Variants in MARCHF1 observed in about 807,000 individuals in gnomAD.
MARCHF1 encodes E3 ubiquitin-protein ligase MARCHF1.
MARCHF1 carries 40 observed loss-of-function variants against 54.2 expected under a neutral mutation model. The observed-to-expected ratio is 0.74, with a 90% CI of 0.57 to 0.96. The LOEUF (loss-of-function observed/expected upper bound fraction) is 0.96. MARCHF1 is among the 40% of genes least tolerant of loss of function. MARCHF1 has a pLI of 0.00. For missense variants in MARCHF1, 586 were observed against 656.5 expected (o/e 0.89, Z 1.17); for synonymous variants, 236 against 236.3 (o/e 1.00, Z 0.01).
In MARCHF1 at chr4:163,932,492, A is replaced by G. The variant is rs115867045; in HGVS notation, c.-39+56009T>C. 524 of 364,980 alleles carry G rather than the reference A, an allele frequency of 1.4e-3. 4 individuals are homozygous for G. The highest frequency in any genetic ancestry group is 1.0e-2 in the African/African-American group (472 of 47,382). The allele number at this position is 364,980 out of a possible 1,614,324, so 22.6% of individuals were successfully genotyped here. ...AGCATGTTCACCAGGAGCAAATTCC[A>G]TCTCAACAAACTACTTTCACCCTGA... is the stretch of plus-strand genomic sequence containing the variant. On this transcript the variant is annotated intron_variant, in intron 3 of 9. Transcript: ENST00000514618.
chr4:163,811,425 C>A (rs1388746288), intron 4 of MARCHF1, among the ~76,000 whole-genome samples: 2 of 151,956 alleles, frequency 1.3e-5, no homozygotes, highest in African/African-American at 2.4e-5. Flanking sequence ...GTCCCAGCTA[C>A]TTGGCAGGCT....
At chr4:163,826,461 T>C (rs1748849643) in intron 4 of MARCHF1, among the ~76,000 whole-genome samples, 2 of 152,110 alleles carry the variant, frequency 1.3e-5, no homozygotes. Context: ...TTCATAGTTA[T>C]GAACATAAAT....
intron 2 of MARCHF1, among the ~76,000 whole-genome samples, chr4:164,097,526 A>C (rs759570873): frequency 1.3e-5 from 2 of 152,304 alleles, no homozygotes; most frequent in South Asian, 2.1e-4. Context: ...GATCTTGTTA[A>C]GTTTACCTGT....
At chr4:164,357,509 A>G (rs1016939034) in intron 1 of MARCHF1, among the ~76,000 whole-genome samples, 1 of 152,216 alleles carries the variant, frequency 6.6e-6, no homozygotes, top group African/African-American at 2.4e-5. Context: ...TTAGTTAAAT[A>G]AAGTAACATG....
chr4:163,580,139 C>A (rs1253442612), intron 8 of MARCHF1, among the ~76,000 whole-genome samples: 1 of 151,744 alleles, frequency 6.6e-6, no homozygotes, highest in Non-Finnish European at 1.5e-5. Context: ...AGTGCAATGG[C>A]ATGATCTTGG....
At chr4:164,227,120 G>C (rs549789460) in intron 1 of MARCHF1, among the ~76,000 whole-genome samples, 2 of 152,054 alleles carry the variant, frequency 1.3e-5, no homozygotes, top group Non-Finnish European at 2.9e-5. Context: ...AGAAATACCA[G>C]AGTCTGAGTA....
At chr4:164,326,336 C>G (rs1433346655) in intron 1 of MARCHF1, among the ~76,000 whole-genome samples, 2 of 152,114 alleles carry the variant, frequency 1.3e-5, no homozygotes, top group Non-Finnish European at 2.9e-5. Flanking sequence ...AGGCATCCAG[C>G]CAGTGGTCTA....
At chr4:163,902,940 G>T (rs1266404343) in intron 3 of MARCHF1, among the ~76,000 whole-genome samples, 2 of 151,774 alleles carry the variant, frequency 1.3e-5, no homozygotes, top group Non-Finnish European at 1.5e-5. Context: ...CTTTCCCTTC[G>T]AGAGGCACAT....
At chr4:163,685,603 C>T (rs545685178) in intron 5 of MARCHF1, among the ~76,000 whole-genome samples, 8 of 152,124 alleles carry the variant, frequency 5.3e-5, no homozygotes, top group Non-Finnish European at 7.4e-5. Context: ...TACAGGCATG[C>T]GCCACCACCC....
At chr4:163,931,198 T>A (rs531151127) in intron 3 of MARCHF1, among the ~76,000 whole-genome samples, 1 of 152,282 alleles carries the variant, frequency 6.6e-6, no homozygotes. Flanking sequence ...ACTTCTAGCC[T>A]CCAGAACTGT....
chr4:164,182,791 T>C (rs1730868163), intron 1 of MARCHF1, among the ~76,000 whole-genome samples: 1 of 152,074 alleles, frequency 6.6e-6, no homozygotes, highest in Non-Finnish European at 1.5e-5. Context: ...TGATATTCTT[T>C]ATACTTTTCC....
intron 3 of MARCHF1, among the ~76,000 whole-genome samples, chr4:163,971,555 G>A (rs950403570): frequency 2.0e-5 from 3 of 152,204 alleles, no homozygotes; most frequent in African/African-American, 7.2e-5. Flanking sequence ...ACTAAGGTGG[G>A]AATGGAGTAA....
intron 1 of MARCHF1, among the ~76,000 whole-genome samples, chr4:164,199,930 T>C (rs1265194407): frequency 3.3e-5 from 5 of 152,182 alleles, no homozygotes; most frequent in African/African-American, 4.8e-5. Flanking sequence ...CAGCAAACTA[T>C]TGGAAGTTCC....
chr4:164,276,969 C>T (rs72989548), intron 1 of MARCHF1, among the ~76,000 whole-genome samples: 2 of 124,864 alleles, frequency 1.6e-5, no homozygotes, highest in South Asian at 5.5e-4. Flanking sequence ...GAGAGAGAGA[C>T]AGAGAGAGAG....
chr4:163,934,713 G>A (rs563253884), intron 3 of MARCHF1, among the ~76,000 whole-genome samples: 5 of 151,210 alleles, frequency 3.3e-5, no homozygotes, highest in Non-Finnish European at 7.4e-5. Flanking sequence ...CACATGTGTA[G>A]TTACTTCCTC....
chr4:163,667,084 A>T (rs1490027656), intron 5 of MARCHF1, among the ~76,000 whole-genome samples: 1 of 152,136 alleles, frequency 6.6e-6, no homozygotes, highest in Non-Finnish European at 1.5e-5. Context: ...AATATTTTCT[A>T]AAAAAATCCA....
At chr4:164,162,651 A>G (rs1730268402) in intron 1 of MARCHF1, among the ~76,000 whole-genome samples, 1 of 152,104 alleles carries the variant, frequency 6.6e-6, no homozygotes, top group Admixed American at 6.6e-5. Flanking sequence ...AACATTATCC[A>G]GAAAAATACA....
At chr4:163,560,532 A>G (rs1739435781) in intron 8 of MARCHF1, among the ~76,000 whole-genome samples, 1 of 152,148 alleles carries the variant, frequency 6.6e-6, no homozygotes, top group South Asian at 2.1e-4. Flanking sequence ...GAAGTTTAAA[A>G]TTATTTTGGC....
At chr4:164,264,518 T>C (rs1733553906) in intron 1 of MARCHF1, among the ~76,000 whole-genome samples, 1 of 152,064 alleles carries the variant, frequency 6.6e-6, no homozygotes, top group African/African-American at 2.4e-5. Flanking sequence ...CTCCTTATCA[T>C]CTACCTGGTA....
Sources: allele counts gnomAD v4.1 joint callset (sites outside exome capture counted in the v4.1 genomes callset), GRCh38; gene constraint gnomAD v4.1.1; transcripts MANE v1.5; gene names NCBI Gene and HGNC (gene_info 2026-07-23, HGNC 2026-07-21).